The following NLGN1 variants were observed in gnomAD, a reference collection of about 807,000 sequenced individuals.
NLGN1 encodes the protein neuroligin-1.
NLGN1 carries 12 observed loss-of-function variants against 65.5 expected under a neutral mutation model. The ratio of observed to expected loss-of-function variants is 0.18; its 90% CI spans 0.12 to 0.30. NLGN1 has a LOEUF of 0.30. Ranked by LOEUF, NLGN1 falls within the 10% of genes least tolerant of loss-of-function variation. The pLI, the probability that NLGN1 is intolerant of heterozygous loss-of-function variation, is 1.00. For synonymous variants in NLGN1, 350 were observed against 359.5 expected, an observed-to-expected ratio of 0.97 and a Z score of 0.30; for missense variants, 750 against 1,007.1, an observed-to-expected ratio of 0.74 and a Z score of 3.46.
At chr3:173,658,822 C>A (rs552346982) in intron 3 of NLGN1, among the ~76,000 whole-genome samples, 1 of 152,114 alleles carries the variant, frequency 6.6e-6, no homozygotes, top group Admixed American at 6.6e-5. Flanking sequence ...AATATCTTTG[C>A]ATGTTCTATA....
At chr3:174,267,690 C>CT in intron 4 of NLGN1, among the ~76,000 whole-genome samples, 1 of 152,256 alleles carries the variant, frequency 6.6e-6, no homozygotes, top group South Asian at 2.1e-4. Flanking sequence ...AGATTGGCTG[C>CT]TGAGAGGGAT....
In NLGN1 at chr3:174,240,254, G is replaced by T. The variant is rs1742537572; in HGVS notation, c.647-35061G>T. 1.3e-5 allele frequency among the ~76,000 whole-genome samples: 2 copies of T among 151,522 alleles called. 1 individual carries two copies. Among genetic ancestry groups the T allele is most frequent in the South Asian group, 4.2e-4 (2 of 4,790 alleles). On this transcript the variant is annotated intron_variant, in intron 4 of 6. Coordinates refer to ENST00000457714, the Ensembl canonical transcript of NLGN1. Reference sequence around the variant, plus strand: ...TAAAAAGTTCTCTTGTAATATAGAAGAAAAAACAAAGTTGAAATGAAGAGA... The same window carrying T: ...TAAAAAGTTCTCTTGTAATATAGAATAAAAAACAAAGTTGAAATGAAGAGA...
At chr3:174,291,146 C>G (rs1164804210), downstream of NLGN1, among the ~76,000 whole-genome samples, 1 of 148,404 alleles carries the variant, frequency 6.7e-6, no homozygotes, top group East Asian at 2.0e-4. Flanking sequence ...TAGAAAAAAT[C>G]TAAAAAGTTT....
intron 4 of NLGN1, among the ~76,000 whole-genome samples, chr3:174,190,581 T>C (rs1732203621): frequency 6.6e-6 from 1 of 152,070 alleles, no homozygotes. Context: ...TGCATGTATA[T>C]TAAAATATTA....
At chr3:173,804,001 A>G (rs1420606661) in intron 3 of NLGN1, among the ~76,000 whole-genome samples, 1 of 152,212 alleles carries the variant, frequency 6.6e-6, no homozygotes, top group African/African-American at 2.4e-5. Context: ...AAGATCATTA[A>G]TGGAAGTTGT....
intron 4 of NLGN1, among the ~76,000 whole-genome samples, chr3:173,816,793 C>T (rs1167618829): frequency 2.6e-5 from 4 of 152,196 alleles, no homozygotes; most frequent in African/African-American, 4.8e-5. Flanking sequence ...TTCCTCTACC[C>T]CAGATCTTTG....
chr3:174,062,232 G>A (rs1465284566), intron 4 of NLGN1, among the ~76,000 whole-genome samples: 1 of 152,080 alleles, frequency 6.6e-6, no homozygotes, highest in Non-Finnish European at 1.5e-5. Flanking sequence ...TGAAGCTTGG[G>A]AGTGAGGGAC....
chr3:173,501,655 A>G (rs984324474), intron 2 of NLGN1, among the ~76,000 whole-genome samples: 6 of 149,934 alleles, frequency 4.0e-5, no homozygotes, highest in East Asian at 1.9e-4. Flanking sequence ...ATGTATAATT[A>G]TATATATTAG....
intron 4 of NLGN1, among the ~76,000 whole-genome samples, chr3:173,927,724 A>AAC (rs145960368): frequency 0.019 from 2,926 of 151,388 alleles, 94 homozygotes; most frequent in African/African-American, 0.065. Flanking sequence ...CGCTCCAGAA[A>AAC]ACACACACAC....
chr3:173,696,724 C>T (rs758367071), intron 3 of NLGN1, among the ~76,000 whole-genome samples: 2 of 152,112 alleles, frequency 1.3e-5, no homozygotes, highest in African/African-American at 2.4e-5. Flanking sequence ...GAACATTAGT[C>T]GGGCTTGTTT....
At chr3:174,273,106 G>GAAAT (rs1464052028) in intron 4 of NLGN1, among the ~76,000 whole-genome samples, 2 of 151,356 alleles carry the variant, frequency 1.3e-5, no homozygotes, top group Non-Finnish European at 3.0e-5. Flanking sequence ...AGTTAATGTA[G>GAAAT]AAATAATTGT....
chr3:173,467,400 T>G (rs528850927), intron 2 of NLGN1, among the ~76,000 whole-genome samples: 215 of 152,278 alleles, frequency 1.4e-3, no homozygotes, highest in Non-Finnish European at 2.8e-3. Flanking sequence ...AATTATAAAT[T>G]CCTAAAAATG....
At chr3:173,782,248 C>T (rs1229163759) in intron 3 of NLGN1, among the ~76,000 whole-genome samples, 1 of 152,092 alleles carries the variant, frequency 6.6e-6, no homozygotes, top group Non-Finnish European at 1.5e-5. Flanking sequence ...ATACATACAA[C>T]ACCTCACAAC....
intron 3 of NLGN1, among the ~76,000 whole-genome samples, chr3:173,673,706 A>C (rs1292616384): frequency 6.6e-6 from 1 of 152,172 alleles, no homozygotes; most frequent in East Asian, 1.9e-4. Flanking sequence ...ACCTCCATCT[A>C]ACCACAAAGC....
chr3:173,553,138 T>C (rs1220672976), intron 2 of NLGN1, among the ~76,000 whole-genome samples: 2 of 152,180 alleles, frequency 1.3e-5, no homozygotes, highest in Admixed American at 1.3e-4. Flanking sequence ...TTGTAAATAC[T>C]TGGAGGATTC....
chr3:173,539,821 T>TA (rs1225873387), intron 2 of NLGN1, among the ~76,000 whole-genome samples: 3 of 135,638 alleles, frequency 2.2e-5, no homozygotes, highest in African/African-American at 6.3e-5. Context: ...TATACATATG[T>TA]TATATATGTA....
intron 2 of NLGN1, among the ~76,000 whole-genome samples, chr3:173,499,647 G>C (rs1012142159): frequency 6.6e-6 from 1 of 151,812 alleles, no homozygotes; most frequent in Non-Finnish European, 1.5e-5. Context: ...ACCTCGGGCA[G>C]TGTGGCCATT....
chr3:173,583,831 A>C (rs1379360314), intron 2 of NLGN1, among the ~76,000 whole-genome samples: 1 of 152,184 alleles, frequency 6.6e-6, no homozygotes, highest in Non-Finnish European at 1.5e-5. Flanking sequence ...TGCTTTGCTG[A>C]ATGAACACTA....
At chr3:173,502,995 C>A (rs1731406499) in intron 2 of NLGN1, among the ~76,000 whole-genome samples, 1 of 151,898 alleles carries the variant, frequency 6.6e-6, no homozygotes, top group Non-Finnish European at 1.5e-5. Context: ...ATTTTATAGA[C>A]CTTTTGCAAC....
Sources: gnomAD v4.1 joint callset for allele counts (sites outside exome capture counted in the v4.1 genomes callset) on GRCh38, gnomAD v4.1.1 for gene constraint, MANE v1.5 for transcripts, NCBI Gene and HGNC (gene_info 2026-07-23, HGNC 2026-07-21) for gene names.